GLI3: variants seen among roughly 807,000 people sequenced by gnomAD.
GLI3 encodes GLI family zinc finger 3.
A neutral mutation model predicts 100.8 loss-of-function variants in GLI3; 20 were observed. That is an observed-to-expected ratio of 0.20 (90% confidence interval 0.14 to 0.29). The LOEUF (loss-of-function observed/expected upper bound fraction) is 0.29. Ranked by LOEUF, GLI3 falls within the 10% of genes least tolerant of loss-of-function variation. The probability of loss-of-function intolerance (pLI) is 1.00; values close to 1 mark genes in which losing one functional copy is unlikely to be tolerated. For missense variants in GLI3, 2,040 were observed against 2,128.5 expected, an observed-to-expected ratio of 0.96 and a Z score of 0.82; for synonymous variants, 938 against 860.5, an observed-to-expected ratio of 1.09 and a Z score of -1.58.
rs1270246445 is a variant in GLI3, at chr7:41,966,060, C to A, written c.3013G>T (p.Ala1005Ser). The part of the protein sequence containing the change: ...HDAPGHGVRR[A>S]SDPVRTGSEG... ...GAGCCTGTCCGCACCGGGTCGCTGG[C>A]CCTCCTCACGCCGTGGCCCGGCGCA... Residue 1005 changes from alanine (A) to serine (S), a missense_variant, in exon 15 of 15, where the codon GCC (alanine) becomes TCC (serine). Ala to Ser is a moderately conservative substitution (Grantham distance 99, BLOSUM62 1). Around this residue, in one of 5 missense-constraint regions of GLI3, gnomAD observed 1,041 missense variants for 924.0 expected, o/e 1.13. Coordinates refer to ENST00000395925, the MANE Select transcript of GLI3 (RefSeq NM_000168.6). This position sits in a 1 kb window ranked among gnomAD's most constrained non-coding sequence, Gnocchi z 5.8. The A allele has an allele frequency of 6.3e-7, 1 of 1,580,042 alleles. No individual in the cohort carries two copies.
intron 3 of GLI3, among the ~76,000 whole-genome samples, chr7:42,103,652 A>C (rs571992052): frequency 6.6e-5 from 10 of 152,252 alleles, no homozygotes; most frequent in Non-Finnish European, 7.4e-5. Flanking sequence ...GACCTCACCC[A>C]GTCCTTTTCA....
At chr7:42,151,647 C>T (rs1009019145) in intron 2 of GLI3, 5 of 152,230 alleles carry the variant, frequency 3.3e-5, no homozygotes, top group African/African-American at 1.2e-4. Context: ...TGTTTAACAG[C>T]TGCAAGCTCG....
intron 1 of GLI3, among the ~76,000 whole-genome samples, chr7:42,252,708 T>C (rs1299995695): frequency 6.6e-6 from 1 of 152,192 alleles, no homozygotes; most frequent in African/African-American, 2.4e-5. Context: ...AAAATGTATA[T>C]GAAAGTTCTA....
At chr7:42,157,189 T>C (rs994267976) in intron 2 of GLI3, among the ~76,000 whole-genome samples, 1 of 152,226 alleles carries the variant, frequency 6.6e-6, no homozygotes, top group African/African-American at 2.4e-5. Context: ...GGGTCAGGTT[T>C]CTGCAACAGA....
At chr7:42,239,726 C>T (rs190685920), upstream of GLI3, among the ~76,000 whole-genome samples, 1 of 152,272 alleles carries the variant, frequency 6.6e-6, no homozygotes, top group Admixed American at 6.5e-5. Context: ...GCTAATCTTT[C>T]CCCCTATGCC....
intron 10 of GLI3, among the ~76,000 whole-genome samples, chr7:41,991,787 G>T (rs1156784061): frequency 6.6e-6 from 1 of 152,176 alleles, no homozygotes; most frequent in Non-Finnish European, 1.5e-5. Flanking sequence ...GGAAGAAAGG[G>T]AGGCTGACAC....
In GLI3 at chr7:41,966,369, C is replaced by T. The variant is rs1253583847; in HGVS notation, c.2704G>A (p.Ala902Thr). Reference sequence around the variant, plus strand: ...CTGGCTTCGCTGGAGCGGCGCGAGGCGTCGGTGGAGATGGGGTCGTAGGAG... The same window carrying T: ...CTGGCTTCGCTGGAGCGGCGCGAGGTGTCGGTGGAGATGGGGTCGTAGGAG... The part of the protein sequence containing the change: ...ADSYDPISTD[A>T]SRRSSEASQS... Residue 902 changes from alanine to threonine, a missense_variant, in exon 15 of 15, where the codon GCC becomes ACC. Coordinates refer to ENST00000395925, the MANE Select transcript of GLI3 (RefSeq NM_000168.6). The surrounding 1 kb of genome is among the most constrained non-coding windows in gnomAD (Gnocchi z 5.8). The T allele has an allele frequency of 4.4e-6, 7 of 1,608,662 alleles. No individual in the cohort carries two copies. In the African/African-American group the frequency reaches 5.3e-5, roughly 12 times the overall value.
At chr7:42,140,442 A>C (rs546506843) in intron 3 of GLI3, among the ~76,000 whole-genome samples, 2 of 152,330 alleles carry the variant, frequency 1.3e-5, no homozygotes, top group South Asian at 4.1e-4. Flanking sequence ...ACTCATTGAA[A>C]AACTGAGGTT....
chr7:42,148,454 C>T lies in GLI3; in HGVS notation c.139G>A (p.Gly47Arg). ...STTSNEDESPGQTYHRERRNA... is the reference protein window; with the variant it reads ...STTSNEDESPRQTYHRERRNA... ...CTTCTCTCTCTGTGATAAGTCTGTC[C>T]AGGACTTTCATCCTCTAAAGAAAGA... The change falls in exon 3 of 15, where the codon GGA (glycine) becomes AGA (arginine). Residue 47 changes from glycine (G) to arginine (R), a missense_variant. Gly to Arg is a moderately radical substitution (Grantham distance 125). Around this residue, in one of 5 missense-constraint regions of GLI3, gnomAD observed 603 missense variants for 690.9 expected, o/e 0.87. Coordinates refer to ENST00000395925, the MANE Select transcript of GLI3 (RefSeq NM_000168.6). The T allele has an allele frequency of 6.2e-7, 1 of 1,613,692 alleles. No homozygotes were observed. Among genetic ancestry groups the T allele is most frequent in the Non-Finnish European group, 8.5e-7 (1 of 1,179,616 alleles).
chr7:42,230,007 C>A (rs544645965), intron 1 of GLI3, among the ~76,000 whole-genome samples: 3 of 140,544 alleles, frequency 2.1e-5, no homozygotes, highest in African/African-American at 8.0e-5. Context: ...ATATGCATAA[C>A]CTTTGTGACA....
At chr7:42,098,552 C>T (rs1019831753) in intron 3 of GLI3, among the ~76,000 whole-genome samples, 1 of 152,192 alleles carries the variant, frequency 6.6e-6, no homozygotes, top group East Asian at 1.9e-4. Flanking sequence ...TCCATTTTCT[C>T]AGGTGTAAAA....
intron 2 of GLI3, among the ~76,000 whole-genome samples, chr7:42,182,644 G>GTATA (rs764864618): frequency 0.095 from 4,849 of 50,902 alleles, 199 homozygotes; most frequent in East Asian, 0.14. Flanking sequence ...ATATGTGTGT[G>GTATA]TATATATATA....
At chr7:41,978,873 C>T in intron 10 of GLI3, 125 bp from the exon 11 acceptor site, 1 of 842,504 alleles carries the variant, frequency 1.2e-6, no homozygotes, top group Non-Finnish European at 1.9e-6. Flanking sequence ...ATAACTTTAC[C>T]ATATTACAGA....
At chr7:42,085,978 C>T (rs1414758492) in intron 3 of GLI3, among the ~76,000 whole-genome samples, 1 of 152,154 alleles carries the variant, frequency 6.6e-6, no homozygotes, top group Non-Finnish European at 1.5e-5. Flanking sequence ...TTGCTCAAAA[C>T]CAGGCAAGAA....
At chr7:42,002,406 A>G (rs1217326968) in intron 10 of GLI3, among the ~76,000 whole-genome samples, 1 of 152,238 alleles carries the variant, frequency 6.6e-6, no homozygotes, top group African/African-American at 2.4e-5. Flanking sequence ...CAGAGCATCA[A>G]AACATAAAGT....
At position 42,200,979 on chromosome 7, in the gene GLI3, A is replaced by AG. The variant is rs144871886; in HGVS notation, c.124+22150_124+22151insC. Among the ~76,000 whole-genome samples the AG allele has an allele frequency of 3.9e-3, 601 of 152,210 alleles. 15 individuals carry two copies. In the East Asian group the frequency reaches 0.089, roughly 23 times the overall value. On this transcript the variant is annotated intron_variant, in intron 2 of 14. Coordinates refer to ENST00000395925, the MANE Select transcript of GLI3 (RefSeq NM_000168.6). Reference sequence around the variant, plus strand: ...GCAATTTAGTTTTAAGTAATATTAAAATTCAGTACAGTAGTCCCCCCTTAT... The same window carrying AG: ...GCAATTTAGTTTTAAGTAATATTAAAGATTCAGTACAGTAGTCCCCCCTTAT...
intron 10 of GLI3, among the ~76,000 whole-genome samples, chr7:42,007,222 TAAAA>T (rs35750462): frequency 3.3e-5 from 4 of 122,794 alleles, no homozygotes; most frequent in Non-Finnish European, 1.6e-5. Context: ...GGAGGAAATT[TAAAA>T]AAAAAAAAAA....
intron 4 of GLI3, among the ~76,000 whole-genome samples, chr7:42,068,645 C>T (rs1465196843): frequency 6.6e-6 from 1 of 152,168 alleles, no homozygotes; most frequent in African/African-American, 2.4e-5. Context: ...GCAACAATAA[C>T]AACAATGAGT....
intron 1 of GLI3, among the ~76,000 whole-genome samples, chr7:42,236,048 C>A (rs1788784454): frequency 6.6e-6 from 1 of 151,708 alleles, no homozygotes; most frequent in Admixed American, 6.6e-5. Context: ...TCTCGGGGGA[C>A]GGCATCTTAC....
Sources: allele counts gnomAD v4.1 joint callset (sites outside exome capture counted in the v4.1 genomes callset), GRCh38; gene constraint gnomAD v4.1.1; regional missense constraint gnomAD v4.1.1; non-coding constraint Gnocchi (gnomAD v3.1); transcripts MANE v1.5; gene names NCBI Gene and HGNC (gene_info 2026-07-23, HGNC 2026-07-21).